PDE4D: variants seen among roughly 807,000 people sequenced by gnomAD.
The protein encoded by PDE4D is 3',5'-cyclic-AMP phosphodiesterase 4D.
PDE4D carries 24 observed loss-of-function variants against 87.4 expected under a neutral mutation model. That is an observed-to-expected ratio of 0.27 (90% confidence interval 0.20 to 0.39). The LOEUF (loss-of-function observed/expected upper bound fraction) is 0.39. PDE4D is among the 10% of genes least tolerant of loss of function. The probability of loss-of-function intolerance (pLI) is 1.00; values close to 1 mark genes in which losing one functional copy is unlikely to be tolerated. For missense variants in PDE4D, 714 were observed against 1,041.0 expected (o/e 0.69, Z 4.32); for synonymous variants, 384 against 383.2 (o/e 1.00, Z -0.02).
chr5:59,259,823 C>T (rs1232924087), intron 1 of PDE4D, among the ~76,000 whole-genome samples: 4 of 151,646 alleles, frequency 2.6e-5, no homozygotes, highest in Non-Finnish European at 5.9e-5. Context: ...CCTAAGGGAC[C>T]AATTATTTTC....
rs199738839 is a variant in PDE4D at position 59,214,032 on chromosome 5, TCACACACACACACACACACACACACA to T, written c.647+1719_647+1744del. Among the ~76,000 whole-genome samples, 5 of 132,668 alleles carry T rather than the reference TCACACACACACACACACACACACACA, an allele frequency of 3.8e-5. No homozygotes were observed. In the Admixed American group the frequency reaches 3.8e-4, roughly 10 times the overall value. The allele number at this position is 132,668 out of a possible 152,430, so 87.0% of individuals were successfully genotyped here. A position where few individuals can be genotyped will look rare whatever the true frequency, so the allele number is the denominator to read the frequency against. ...CTGTCCCCCAACATACATACATACTTCACACACACACACACACACACACACACACACACACACACACACACAACCAT... is the reference window on the plus strand; with the variant it reads ...CTGTCCCCCAACATACATACATACTTCACACACACACACACACACAACCAT... On this transcript the variant is annotated intron_variant, in intron 2 of 14. Coordinates refer to ENST00000340635, the MANE Select transcript of PDE4D (RefSeq NM_001104631.2).
At position 60,138,898 on chromosome 5, in the gene PDE4D, T is replaced by A. The variant is rs1780283078; in HGVS notation, c.42+46659A>T. On this transcript the variant is annotated intron_variant, in intron 2 of 16. Coordinates refer to the PDE4D transcript ENST00000502484. ...TATAATCAATGAAATAAAATTGCGT[T>A]CAGGATAGTGAAATTGTGTCATAAA... is the stretch of plus-strand genomic sequence containing the variant. Among the ~76,000 whole-genome samples, 3 of 152,158 alleles carry A rather than the reference T, an allele frequency of 2.0e-5. No homozygotes were observed. In the South Asian group the frequency reaches 6.2e-4, roughly 31 times the overall value.
intron 1 of PDE4D, among the ~76,000 whole-genome samples, chr5:59,522,170 T>A (rs1322726181): frequency 6.6e-6 from 1 of 152,172 alleles, no homozygotes; most frequent in African/African-American, 2.4e-5. Flanking sequence ...AAACTAAAAT[T>A]TGGAATAGTT....
intron 5 of PDE4D, among the ~76,000 whole-genome samples, chr5:59,103,699 T>C (rs1165048080): frequency 6.6e-6 from 1 of 152,190 alleles, no homozygotes; most frequent in Non-Finnish European, 1.5e-5. Flanking sequence ...TTTGAAGACC[T>C]TTGAGCTACA....
intron 1 of PDE4D, among the ~76,000 whole-genome samples, chr5:59,672,709 C>T (rs1456057394): frequency 6.6e-6 from 1 of 152,032 alleles, no homozygotes; most frequent in African/African-American, 2.4e-5. Flanking sequence ...ATTAATTTAT[C>T]TAGAATGTAA....
intron 5 of PDE4D, among the ~76,000 whole-genome samples, chr5:59,093,331 T>G (rs1312718527): frequency 6.6e-6 from 1 of 152,188 alleles, no homozygotes; most frequent in Non-Finnish European, 1.5e-5. Flanking sequence ...AGTCTTTCTT[T>G]TTTGGAGGAA....
chr5:60,413,186 C>G (rs1323187696), intron 1 of PDE4D, among the ~76,000 whole-genome samples: 1 of 152,162 alleles, frequency 6.6e-6, no homozygotes, highest in Non-Finnish European at 1.5e-5. Flanking sequence ...GATTATATTC[C>G]TACTGACTAC....
chr5:60,307,223 G>A (rs924262241), intron 1 of PDE4D, among the ~76,000 whole-genome samples: 2 of 152,010 alleles, frequency 1.3e-5, no homozygotes, highest in African/African-American at 4.8e-5. Context: ...ATTTTCCATG[G>A]TAATTCTTTT....
intron 6 of PDE4D, among the ~76,000 whole-genome samples, chr5:59,003,661 A>C (rs1372461395): frequency 6.6e-6 from 1 of 152,222 alleles, no homozygotes; most frequent in Non-Finnish European, 1.5e-5. Context: ...ATGGGGTGAT[A>C]AGCACAATGG....
intron 1 of PDE4D, among the ~76,000 whole-genome samples, chr5:59,385,232 T>G (rs1439677208): frequency 6.6e-6 from 1 of 152,224 alleles, no homozygotes. Flanking sequence ...TTATTGGATC[T>G]CATGATTTCC....
At chr5:59,154,335 G>A (rs1157724631) in intron 5 of PDE4D, among the ~76,000 whole-genome samples, 2 of 152,098 alleles carry the variant, frequency 1.3e-5, no homozygotes, top group East Asian at 3.9e-4. Flanking sequence ...GCATGTCTGT[G>A]GGTGTATCAA....
chr5:59,055,051 A>C (rs536314837), intron 5 of PDE4D, among the ~76,000 whole-genome samples: 1 of 152,330 alleles, frequency 6.6e-6, no homozygotes, highest in Non-Finnish European at 1.5e-5. Context: ...AACAGAACAC[A>C]TAAAGCAGCG....
chr5:59,269,028 A>C (rs1419103013), intron 1 of PDE4D, among the ~76,000 whole-genome samples: 1 of 152,040 alleles, frequency 6.6e-6, no homozygotes, highest in Non-Finnish European at 1.5e-5. Context: ...TAAGTGAGCT[A>C]TTCCTTTACC....
chr5:59,474,170 G>A (rs888754038), intron 1 of PDE4D, among the ~76,000 whole-genome samples: 5 of 152,098 alleles, frequency 3.3e-5, no homozygotes, highest in African/African-American at 1.2e-4. Flanking sequence ...GAGCAATTCA[G>A]TGTTATGTTC....
At chr5:59,823,398 T>C (rs1373413987) in intron 1 of PDE4D, among the ~76,000 whole-genome samples, 2 of 152,122 alleles carry the variant, frequency 1.3e-5, no homozygotes, top group African/African-American at 4.8e-5. Context: ...TTAGTTTATC[T>C]CCAACTGCCT....
chr5:60,338,413 A>T (rs1481965714), intron 1 of PDE4D, among the ~76,000 whole-genome samples: 1 of 152,206 alleles, frequency 6.6e-6, no homozygotes, highest in Non-Finnish European at 1.5e-5. Context: ...CTGAAAGCCA[A>T]TGGGCGCCAC....
chr5:60,075,298 A>C (rs1219846042), intron 2 of PDE4D, among the ~76,000 whole-genome samples: 2 of 152,166 alleles, frequency 1.3e-5, no homozygotes, highest in African/African-American at 2.4e-5. Context: ...TCAAATTCTC[A>C]GTTGGAATAT....
At chr5:60,156,957 C>T (rs1030809205) in intron 2 of PDE4D, among the ~76,000 whole-genome samples, 1 of 152,078 alleles carries the variant, frequency 6.6e-6, no homozygotes, top group African/African-American at 2.4e-5. Context: ...ACAATAAATA[C>T]TGTTGAAGCA....
chr5:59,043,356 T>C (rs1354363849), intron 5 of PDE4D, among the ~76,000 whole-genome samples: 1 of 152,110 alleles, frequency 6.6e-6, no homozygotes, highest in Non-Finnish European at 1.5e-5. Flanking sequence ...ACCTTGGCTC[T>C]ACTAAAAATA....
Sources: allele counts gnomAD v4.1 joint callset (sites outside exome capture counted in the v4.1 genomes callset), GRCh38; gene constraint gnomAD v4.1.1; transcripts MANE v1.5; gene names NCBI Gene and HGNC (gene_info 2026-07-23, HGNC 2026-07-21).